The following RASA2 variants were observed in gnomAD, a reference collection of about 807,000 sequenced individuals.
RASA2 encodes the protein RAS p21 protein activator 2.
A neutral mutation model predicts 118.2 loss-of-function variants in RASA2; 155 were observed. The observed-to-expected ratio is 1.31, with a 90% CI of 1.15 to 1.50. The LOEUF is 1.50. Ranked by LOEUF, RASA2 falls within the 40% of genes most tolerant of loss-of-function variation. The pLI is 0.00. For synonymous variants in RASA2, 353 were observed against 349.1 expected, an observed-to-expected ratio of 1.01 and a Z score of -0.12; for missense variants, 1,016 against 1,009.6, an observed-to-expected ratio of 1.01 and a Z score of -0.09.
At position 141,487,089 on chromosome 3, in the gene RASA2, G is replaced by A. The variant is rs1216660716; in HGVS notation, c.6G>A (p.Ala2=). The change falls in exon 1 of 24, where the codon GCG becomes GCA. Residue 2 remains alanine, a synonymous_variant. Coordinates refer to ENST00000286364, the MANE Select transcript of RASA2 (RefSeq NM_006506.5). Reference sequence around the variant, plus strand: ...GGCACGGGCCGGGCGGCACCATGGCGGCGGCGGCGCCTGCTGCTGCGGCGG... The same window carrying A: ...GGCACGGGCCGGGCGGCACCATGGCAGCGGCGGCGCCTGCTGCTGCGGCGG... M[A]AAAPAAAAAS... The A allele has an allele frequency of 3.7e-6, 5 of 1,367,562 alleles. No homozygotes were observed. The Admixed American group carries it at 9.0e-5, about 25-fold the overall frequency. 84.7% of individuals were successfully genotyped at this position (1,367,562 alleles called of 1,614,324 possible). A position where few individuals can be genotyped will look rare whatever the true frequency, so the allele number is the denominator to read the frequency against.
chr3:141,603,352 C>A (rs958534163), intron 19 of RASA2, among the ~76,000 whole-genome samples: 2 of 152,026 alleles, frequency 1.3e-5, no homozygotes, highest in African/African-American at 4.8e-5. Flanking sequence ...GGGTGGATCA[C>A]CTGAGGTCAG....
At chr3:141,600,193 AT>A (rs909257278) in intron 19 of RASA2, 40 of 380,890 alleles carry the variant, frequency 1.1e-4, no homozygotes, top group African/African-American at 8.2e-4. Flanking sequence ...GCTATAGGAA[AT>A]CCAAGTGGAA....
chr3:141,585,885 T>A, intron 17 of RASA2, 140 bp from the exon 18 acceptor site: 1 of 511,976 alleles, frequency 2.0e-6, no homozygotes, highest in South Asian at 4.1e-5. Context: ...TAAATATGTG[T>A]TTTGTTTTAT....
Position 141,487,085 on chromosome 3 carries a change from T to TGGCGGCGGCGGCGCC in RASA2, c.3_17dup (p.Pro6_Ala10dup). The TGGCGGCGGCGGCGCC allele has an allele frequency of 7.4e-7, 1 of 1,356,478 alleles. No homozygotes were observed. Among genetic ancestry groups the TGGCGGCGGCGGCGCC allele is most frequent in the Non-Finnish European group, 9.6e-7 (1 of 1,041,248 alleles). The allele number at this position is 1,356,478 out of a possible 1,614,324, so 84.0% of individuals were successfully genotyped here. A position where few individuals can be genotyped will look rare whatever the true frequency, so the allele number is the denominator to read the frequency against. On this transcript the variant is annotated inframe_insertion, in exon 1 of 24. Coordinates refer to ENST00000286364, the MANE Select transcript of RASA2 (RefSeq NM_006506.5). ...CTGCGGCACGGGCCGGGCGGCACCATGGCGGCGGCGGCGCCTGCTGCTGCG... is the reference window on the plus strand; with the variant it reads ...CTGCGGCACGGGCCGGGCGGCACCATGGCGGCGGCGGCGCCGGCGGCGGCGGCGCCTGCTGCTGCG...
At chr3:141,524,624 C>T (rs565647058) in intron 3 of RASA2, among the ~76,000 whole-genome samples, 18 of 152,006 alleles carry the variant, frequency 1.2e-4, no homozygotes, top group Non-Finnish European at 2.4e-4. Flanking sequence ...CTTGCTCTGT[C>T]GCCCAGGCTG....
chr3:141,555,922 T>C lies in RASA2; in HGVS notation c.684+10T>C. The C allele has an allele frequency of 6.3e-7, 1 of 1,587,430 alleles. No individual in the cohort carries two copies. On this transcript the variant is annotated intron_variant, in intron 7 of 23. Coordinates refer to ENST00000286364, the MANE Select transcript of RASA2 (RefSeq NM_006506.5). Reference sequence around the variant, plus strand: ...AATCTTTTATTTTGAGGTAATTTTTTGTTTTACGTAAATGTTAACATTAAA... The same window carrying C: ...AATCTTTTATTTTGAGGTAATTTTTCGTTTTACGTAAATGTTAACATTAAA...
chr3:141,580,082 AAAAATATATATATAT>A (rs1218513816), intron 15 of RASA2, among the ~76,000 whole-genome samples: 2 of 101,412 alleles, frequency 2.0e-5, no homozygotes, highest in East Asian at 7.1e-4. Flanking sequence ...AAAAAAAAAA[AAAAATATATATATAT>A]ATATATATAT....
chr3:141,498,107 C>T (rs945269142), intron 1 of RASA2, among the ~76,000 whole-genome samples: 1 of 152,052 alleles, frequency 6.6e-6, no homozygotes, highest in African/African-American at 2.4e-5. Flanking sequence ...ATGGGGTGAA[C>T]TAATGTTTAT....
chr3:141,545,682 G>A (rs189020382), intron 5 of RASA2, among the ~76,000 whole-genome samples: 1 of 151,646 alleles, frequency 6.6e-6, no homozygotes, highest in African/African-American at 2.4e-5. Flanking sequence ...TCTTGACCTC[G>A]TGATGTGCCC....
intron 9 of RASA2, among the ~76,000 whole-genome samples, chr3:141,562,436 CA>C (rs71151497): frequency 1 from 146,261 of 146,262 alleles, 73,130 homozygotes; most frequent in Non-Finnish European, 1. Flanking sequence ...TCCTGGCTAA[CA>C]ATGGTGAAAC....
At chr3:141,511,888 G>A (rs1201698852) in intron 1 of RASA2, among the ~76,000 whole-genome samples, 1 of 152,060 alleles carries the variant, frequency 6.6e-6, no homozygotes, top group Non-Finnish European at 1.5e-5. Context: ...TGGTGGAATG[G>A]GATAGAGAGC....
chr3:141,584,890 A>T (rs768129217), intron 17 of RASA2, among the ~76,000 whole-genome samples: 10 of 151,816 alleles, frequency 6.6e-5, no homozygotes, highest in Non-Finnish European at 1.3e-4. Flanking sequence ...CTCCATATAT[A>T]TTTTTTTTAA....
At chr3:141,584,343 A>C (rs1344014730) in intron 17 of RASA2, among the ~76,000 whole-genome samples, 6 of 147,302 alleles carry the variant, frequency 4.1e-5, no homozygotes, top group African/African-American at 1.3e-4. Context: ...AAAAAAAAAA[A>C]AAAAAAAAAA....
chr3:141,569,564 A>G (rs2151128015), intron 9 of RASA2, among the ~76,000 whole-genome samples: 1 of 152,316 alleles, frequency 6.6e-6, no homozygotes, highest in East Asian at 1.9e-4. Context: ...GTATCCCCCC[A>G]AAAAGGAAAT....
chr3:141,579,120 G>A lies in RASA2; in HGVS notation c.1591-1248G>A, dbSNP rs181877654. 2.4e-3 allele frequency among the ~76,000 whole-genome samples: 368 copies of A among 152,190 alleles called. 1 individual carries two copies. The highest frequency in any genetic ancestry group is 0.016 in the South Asian group (78 of 4,822). On this transcript the variant is annotated intron_variant, in intron 15 of 23. Coordinates refer to ENST00000286364, the MANE Select transcript of RASA2 (RefSeq NM_006506.5). ...TTCATTGCCTGTTTTCAATGTGGGG[G>A]TTGGGGGGATACTAAAATATCAAGG...
At chr3:141,501,774 C>T (rs2081784857) in intron 1 of RASA2, among the ~76,000 whole-genome samples, 1 of 152,188 alleles carries the variant, frequency 6.6e-6, no homozygotes, top group African/African-American at 2.4e-5. Flanking sequence ...ATTGGCACAA[C>T]AGCATTTTAA....
chr3:141,502,966 A>G (rs1254994138), intron 1 of RASA2, among the ~76,000 whole-genome samples: 1 of 152,186 alleles, frequency 6.6e-6, no homozygotes, highest in African/African-American at 2.4e-5. Flanking sequence ...TTGAATAGAA[A>G]GACTCTAGGC....
At chr3:141,557,776 A>G (rs2082671713) in intron 7 of RASA2, among the ~76,000 whole-genome samples, 1 of 152,174 alleles carries the variant, frequency 6.6e-6, no homozygotes, top group Non-Finnish European at 1.5e-5. Flanking sequence ...AGAGGCAGAT[A>G]AAAGAGAGAA....
chr3:141,594,232 C>G lies in RASA2; in HGVS notation c.1933+7480C>G, dbSNP rs562721777. On this transcript the variant is annotated intron_variant, in intron 19 of 23. Transcript: ENST00000286364. ...GATCGATCAGTAGAAATGAACCAATCTAGAACACAGAAAAGACTTGGGGGA... is the reference window on the plus strand; with the variant it reads ...GATCGATCAGTAGAAATGAACCAATGTAGAACACAGAAAAGACTTGGGGGA... Among the ~76,000 whole-genome samples the G allele has an allele frequency of 2.8e-4, 43 of 152,094 alleles. No homozygotes were observed. The South Asian group carries it at 4.4e-3, about 15-fold the overall frequency.
Sources: allele counts gnomAD v4.1 joint callset (sites outside exome capture counted in the v4.1 genomes callset), GRCh38; gene constraint gnomAD v4.1.1; transcripts MANE v1.5; gene names NCBI Gene and HGNC (gene_info 2026-07-23, HGNC 2026-07-21).